C4orf50: variants seen among roughly 807,000 people sequenced by gnomAD.
C4orf50 encodes the protein uncharacterized protein C4orf50.
Under a neutral mutation model 77.2 loss-of-function variants are expected in C4orf50, and 80 were observed. The observed-to-expected ratio is 1.04, with a 90% CI of 0.87 to 1.25. The LOEUF (loss-of-function observed/expected upper bound fraction) is 1.25, where lower values mean the gene tolerates loss of function less well. C4orf50 is among the 50% of genes most tolerant of loss of function. The pLI is 0.00. For synonymous variants in C4orf50, 532 were observed against 465.3 expected (o/e 1.14, Z -1.84); for missense variants, 1,257 against 1,152.9 (o/e 1.09, Z -1.31).
rs1484330408 is a variant in C4orf50, at chr4:5,901,561, T to C, written c.*2475-3373A>G. ...ATAACACCAATCCTGTATATACATG[T>C]AGATCTTAAGAGTTTACAAAGGGCT... is the stretch of plus-strand genomic sequence containing the variant. On this transcript the variant is annotated intron_variant, in intron 7 of 7. Coordinates refer to the C4orf50 transcript ENST00000324058. This position sits in a 1 kb window ranked among gnomAD's most constrained non-coding sequence, Gnocchi z 4.4. The C allele has an allele frequency of 6.6e-6, 1 of 152,328 alleles. No individual in the cohort carries two copies. The highest frequency in any genetic ancestry group is 1.5e-5 in the Non-Finnish European group (1 of 68,036). The allele number at this position is 152,328 out of a possible 1,614,324, so 9.4% of individuals were successfully genotyped here.
At chr4:5,978,307 T>C (rs899584683) in intron 29 of C4orf50, among the ~76,000 whole-genome samples, 1 of 152,104 alleles carries the variant, frequency 6.6e-6, no homozygotes, top group Non-Finnish European at 1.5e-5. Flanking sequence ...AATTTCATCA[T>C]AAAACTGAGA....
At chr4:6,005,581 G>A (rs1722215968) in intron 25 of C4orf50, among the ~76,000 whole-genome samples, 1 of 152,160 alleles carries the variant, frequency 6.6e-6, no homozygotes, top group Admixed American at 6.5e-5. Context: ...TCCTCTTGCT[G>A]GCCATGATAC....
chr4:5,988,794 G>A (rs539009730), exon 28 of C4orf50: 1 of 1,536,082 alleles, frequency 6.5e-7, no homozygotes, highest in Admixed American at 2.0e-5. Flanking sequence ...CCCCACTTAA[G>A]GCCCGGATCA....
chr4:5,988,929 G>A, exon 28 of C4orf50: 1 of 1,535,996 alleles, frequency 6.5e-7, no homozygotes, highest in South Asian at 1.2e-5. Context: ...TGGATTTCCT[G>A]ACACTCTCAG....
At chr4:5,959,963 G>A (rs1230603615) in intron 33 of C4orf50, among the ~76,000 whole-genome samples, 1 of 152,174 alleles carries the variant, frequency 6.6e-6, no homozygotes, top group Admixed American at 6.5e-5. Context: ...CCTTCCCGGT[G>A]ATAAGAGAAA....
In C4orf50 at chr4:5,932,444, G is replaced by A. The variant is rs1313309059; in HGVS notation, c.*2474+24457C>T. On this transcript the variant is annotated intron_variant, in intron 7 of 7. Transcript: ENST00000324058. The surrounding 1 kb of genome is among the most constrained non-coding windows in gnomAD (Gnocchi z 4.2). ...TGGAGAAGGAAGGCATCAGACTGTG[G>A]TGGGAACATTACAGTGTTTGTTTGT... Among the ~76,000 whole-genome samples, 1 of 152,132 alleles carries A rather than the reference G, an allele frequency of 6.6e-6. No homozygotes were observed. Among genetic ancestry groups the A allele is most frequent in the African/African-American group, 2.4e-5 (1 of 41,422 alleles).
intron 25 of C4orf50, among the ~76,000 whole-genome samples, chr4:6,004,092 A>G (rs1214918639): frequency 1.5e-5 from 1 of 66,204 alleles, no homozygotes; most frequent in Non-Finnish European, 2.9e-5. Flanking sequence ...GATAGTGATG[A>G]TGGTGATGAT....
downstream of C4orf50, among the ~76,000 whole-genome samples, chr4:5,955,383 A>C (rs562322523): frequency 3.3e-5 from 5 of 152,138 alleles, no homozygotes; most frequent in South Asian, 1.0e-3. The surrounding 1 kb of genome is among the most constrained non-coding windows in gnomAD (Gnocchi z 5.1). Flanking sequence ...ACCTGCCTCC[A>C]GCGTTACAGG....
intron 7 of C4orf50, among the ~76,000 whole-genome samples, chr4:5,921,926 A>G (rs183108550): frequency 2.0e-5 from 3 of 152,302 alleles, no homozygotes; most frequent in East Asian, 3.9e-4. Context: ...CTACTGCATC[A>G]GGCACAAAAA....
chr4:5,976,006 T>C (rs1319101970), intron 29 of C4orf50, 51 bp from the exon 8 acceptor site: 4 of 1,466,774 alleles, frequency 2.7e-6, no homozygotes, highest in African/African-American at 1.4e-5. Flanking sequence ...CTTACCACTG[T>C]CCAGAGCTTC....
At chr4:6,010,298 C>T (rs747296915) in intron 24 of C4orf50, among the ~76,000 whole-genome samples, 1 of 152,192 alleles carries the variant, frequency 6.6e-6, no homozygotes, top group Non-Finnish European at 1.5e-5. Flanking sequence ...CGATTTTCTG[C>T]ACCTGAAGTT....
intron 25 of C4orf50, among the ~76,000 whole-genome samples, chr4:5,999,358 A>G (rs1721731749): frequency 6.6e-6 from 1 of 151,908 alleles, no homozygotes; most frequent in African/African-American, 2.4e-5. Context: ...TAACTCTACC[A>G]CCTCATAAGC....
chr4:5,949,014 A>G (rs1466676458), intron 7 of C4orf50, among the ~76,000 whole-genome samples: 1 of 151,400 alleles, frequency 6.6e-6, no homozygotes, highest in Admixed American at 6.6e-5. Flanking sequence ...TTTGCCCCTG[A>G]TGGAAGAACT....
At chr4:5,954,504 G>A (rs1718864102), downstream of C4orf50, among the ~76,000 whole-genome samples, 1 of 152,138 alleles carries the variant, frequency 6.6e-6, no homozygotes, top group African/African-American at 2.4e-5. This position sits in a 1 kb window ranked among gnomAD's most constrained non-coding sequence, Gnocchi z 4.7. Flanking sequence ...GGAAAGGAGA[G>A]GAGAAAAGAT....
At chr4:5,907,721 T>C (rs1227577104) in intron 7 of C4orf50, among the ~76,000 whole-genome samples, 1 of 152,122 alleles carries the variant, frequency 6.6e-6, no homozygotes, top group East Asian at 1.9e-4. Context: ...TCTGAGAAGG[T>C]GACATTTGAG....
At chr4:5,988,850 T>G in exon 28 of C4orf50, 1 of 1,536,058 alleles carries the variant, frequency 6.5e-7, no homozygotes, top group Non-Finnish European at 8.7e-7. Context: ...TCTTTATAAC[T>G]GACGCCAAGC....
intron 31 of C4orf50, among the ~76,000 whole-genome samples, chr4:5,968,781 C>T (rs7674007): frequency 0.67 from 102,364 of 152,088 alleles, 36,473 homozygotes; most frequent in African/African-American, 0.87. Context: ...CCTCATTAGA[C>T]AGAGGCTCCT....
At chr4:5,987,308 G>C (rs7680343) in intron 28 of C4orf50, among the ~76,000 whole-genome samples, 2,008 of 150,404 alleles carry the variant, frequency 0.013, 54 homozygotes, top group African/African-American at 0.047. Context: ...CTACTTGGGA[G>C]GCTGAGGCAG....
At chr4:5,930,419 G>A (rs968654068) in intron 7 of C4orf50, among the ~76,000 whole-genome samples, 3 of 152,114 alleles carry the variant, frequency 2.0e-5, no homozygotes, top group Admixed American at 6.5e-5. Flanking sequence ...CTACCTTCTG[G>A]TATTTGCTCA....
Sources: gnomAD v4.1 joint callset for allele counts (sites outside exome capture counted in the v4.1 genomes callset) on GRCh38, gnomAD v4.1.1 for gene constraint, Gnocchi (gnomAD v3.1) non-coding constraint, MANE v1.5 for transcripts, NCBI Gene and HGNC (gene_info 2026-07-23, HGNC 2026-07-21) for gene names.